Variants in TDRD15 observed in about 807,000 individuals in gnomAD.
TDRD15 encodes tudor domain containing 15.
For missense variants in TDRD15, 1,416 were observed against 904.7 expected (o/e 1.57, Z -7.25); for synonymous variants, 503 against 314.5 (o/e 1.60, Z -6.34).
Position 21,131,718 on chromosome 2 carries a change from A to C in TDRD15, c.-89-3044A>C, listed in dbSNP as rs115429537. On this transcript the variant is annotated intron_variant, in intron 2 of 3. Coordinates refer to ENST00000405799, the MANE Select transcript of TDRD15 (RefSeq NM_001306137.2). ...TTCACTAATTTTTTGGTTTTAAGAAATATAACCATCTCTCATGAAAATATC... is the reference window on the plus strand; with the variant it reads ...TTCACTAATTTTTTGGTTTTAAGAACTATAACCATCTCTCATGAAAATATC... 7.6e-3 allele frequency among the ~76,000 whole-genome samples: 1,152 copies of C among 152,330 alleles called. 14 individuals carry two copies. Among genetic ancestry groups the C allele is most frequent in the African/African-American group, 0.026 (1,097 of 41,576 alleles).
chr2:21,133,560 T>G (rs1665756700), intron 2 of TDRD15, among the ~76,000 whole-genome samples: 1 of 152,150 alleles, frequency 6.6e-6, no homozygotes, highest in Non-Finnish European at 1.5e-5. Context: ...TTGATCAATT[T>G]CGGTTTCAGT....
At chr2:21,130,027 C>T (rs1665687020) in intron 2 of TDRD15, among the ~76,000 whole-genome samples, 1 of 152,094 alleles carries the variant, frequency 6.6e-6, no homozygotes, top group Non-Finnish European at 1.5e-5. Context: ...ATCCTACTCC[C>T]TGATAACCCG....
rs935940132 is a variant in TDRD15, at chr2:21,141,322, C to T, written c.3855C>T (p.Asp1285=). 7.0e-6 allele frequency: 5 copies of T among 715,548 alleles called. No homozygotes were observed. Among genetic ancestry groups the T allele is most frequent in the African/African-American group, 1.8e-5 (1 of 57,118 alleles). The allele number at this position is 715,548 out of a possible 1,614,324, so 44.3% of individuals were successfully genotyped here. The change falls in exon 4 of 4, where the codon GAC becomes GAT. Residue 1285 remains aspartate, a synonymous_variant. Coordinates refer to ENST00000405799, the MANE Select transcript of TDRD15 (RefSeq NM_001306137.2). ...PYDLIRPQIK[D]LPQPQIYLNA... ...ACCTTATTAGGCCACAGATCAAAGA[C>T]CTTCCTCAACCGCAAATTTATTTGA...
intron 2 of TDRD15, among the ~76,000 whole-genome samples, chr2:21,133,805 G>C (rs151295341): frequency 3.8e-4 from 58 of 152,068 alleles, no homozygotes; most frequent in African/African-American, 1.3e-3. Context: ...TATAGCTATT[G>C]AGCATTTGAA....
chr2:21,127,567 GA>G (rs1416891354), intron 1 of TDRD15, 33 bp from the exon 2 acceptor site: 1 of 152,110 alleles, frequency 6.6e-6, no homozygotes, highest in Non-Finnish European at 1.5e-5. Flanking sequence ...CACCTTGGTT[GA>G]AAATCATTTT....
At chr2:21,133,239 T>A (rs1321707079) in intron 2 of TDRD15, among the ~76,000 whole-genome samples, 1 of 152,084 alleles carries the variant, frequency 6.6e-6, no homozygotes, top group Non-Finnish European at 1.5e-5. Flanking sequence ...ATGCTTCAAC[T>A]TGCAGTCTTT....
downstream of TDRD15, among the ~76,000 whole-genome samples, chr2:21,144,996 T>C (rs1666009240): frequency 6.6e-6 from 1 of 151,888 alleles, no homozygotes; most frequent in Non-Finnish European, 1.5e-5. Context: ...AGGAAGAGGC[T>C]AATCTAACAT....
At chr2:21,146,096 G>A (rs1666025596), downstream of TDRD15, among the ~76,000 whole-genome samples, 1 of 151,952 alleles carries the variant, frequency 6.6e-6, no homozygotes, top group South Asian at 2.1e-4. Context: ...ACTCTAGAGA[G>A]GACTGTGGAT....
downstream of TDRD15, among the ~76,000 whole-genome samples, chr2:21,145,650 C>A (rs915323302): frequency 6.6e-6 from 1 of 151,940 alleles, no homozygotes; most frequent in African/African-American, 2.4e-5. Context: ...TATGGTTTCA[C>A]GGATTAGTAA....
downstream of TDRD15, among the ~76,000 whole-genome samples, chr2:21,145,109 C>A (rs1334390224): frequency 6.6e-6 from 1 of 151,850 alleles, no homozygotes; most frequent in Admixed American, 6.6e-5. Flanking sequence ...GGAGAGTGCC[C>A]CACCCATGAA....
chr2:21,126,509 G>A (rs1348593356), intron 1 of TDRD15, among the ~76,000 whole-genome samples: 2 of 152,004 alleles, frequency 1.3e-5, no homozygotes, highest in Admixed American at 1.3e-4. Flanking sequence ...TGGCATTACA[G>A]GCATGCGTCA....
In TDRD15 at chr2:21,143,810, T is replaced by C. The variant is rs72782175; in HGVS notation, c.*538T>C. ...AGGAAAACTTACTAGAAAATCTGGA[T>C]AAACGGATGAACTGGAAGTGGCCAC... On this transcript the variant is annotated 3_prime_UTR_variant, in exon 4 of 4. Transcript: ENST00000405799. 0.012 allele frequency among the ~76,000 whole-genome samples: 1,750 copies of C among 151,882 alleles called. 15 individuals carry two copies. Among genetic ancestry groups the C allele is most frequent in the South Asian group, 0.021 (99 of 4,828 alleles).
intron 2 of TDRD15, among the ~76,000 whole-genome samples, chr2:21,131,641 C>A (rs1358678296): frequency 6.6e-6 from 1 of 152,164 alleles, no homozygotes; most frequent in Non-Finnish European, 1.5e-5. Flanking sequence ...AGCTTAATTT[C>A]TATTAAGCAG....
intron 2 of TDRD15, among the ~76,000 whole-genome samples, chr2:21,134,316 T>C (rs1046769919): frequency 6.6e-6 from 1 of 151,956 alleles, no homozygotes; most frequent in Non-Finnish European, 1.5e-5. Flanking sequence ...ATAATTTTTA[T>C]ATAAAACATT....
At chr2:21,127,031 T>C (rs1403492588) in intron 1 of TDRD15, among the ~76,000 whole-genome samples, 1 of 152,230 alleles carries the variant, frequency 6.6e-6, no homozygotes, top group East Asian at 1.9e-4. Context: ...TGAAGTATTA[T>C]CTTAGTGCGA....
Position 21,139,858 on chromosome 2 carries a change from T to C in TDRD15, c.2391T>C (p.Ser797=). Residue 797 remains serine, a synonymous_variant, in exon 4 of 4, where the codon TCT becomes TCC. Coordinates refer to ENST00000405799, the MANE Select transcript of TDRD15 (RefSeq NM_001306137.2). ...EQIQNYYSIH[S]DPYEIGQTAC... is the part of the protein sequence containing the mutation. ...TTCAGAATTACTATAGTATTCATTC[T>C]GATCCTTATGAGATTGGGCAGACTG... The C allele has an allele frequency of 2.8e-6, 2 of 715,926 alleles. No individual in the cohort carries two copies. The allele number at this position is 715,926 out of a possible 1,614,324, so 44.3% of individuals were successfully genotyped here.
Position 21,142,864 on chromosome 2 carries a change from A to G in TDRD15, c.5397A>G (p.Arg1799=). The change falls in exon 4 of 4, where the codon AGA becomes AGG. Residue 1799 remains arginine (R), a synonymous_variant. Coordinates refer to ENST00000405799, the MANE Select transcript of TDRD15 (RefSeq NM_001306137.2). ...ATAAATCGGAAGATCAGTGGAATAG[A>G]GTAGAAATTTCTGAAGTCTCACCTC... ...FKYKSEDQWN[R]VEISEVSPQS... 1.4e-6 allele frequency: 1 copy of G among 709,736 alleles called. No individual in the cohort carries two copies. Among genetic ancestry groups the G allele is most frequent in the Non-Finnish European group, 2.6e-6 (1 of 382,212 alleles). The allele number at this position is 709,736 out of a possible 1,614,324, so 44.0% of individuals were successfully genotyped here.
Position 21,143,618 on chromosome 2 carries a change from T to C in TDRD15, c.*346T>C, listed in dbSNP as rs1164510442. 1.3e-5 allele frequency among the ~76,000 whole-genome samples: 2 copies of C among 151,394 alleles called. No individual in the cohort carries two copies. Among genetic ancestry groups the C allele is most frequent in the Non-Finnish European group, 3.0e-5 (2 of 67,602 alleles). ...GAAGGAATACAGGAAAATAAGACAA[T>C]GAACTTGAGAACAGCAGTAAAAACA... On this transcript the variant is annotated 3_prime_UTR_variant, in exon 4 of 4. Coordinates refer to ENST00000405799, the MANE Select transcript of TDRD15 (RefSeq NM_001306137.2).
rs762756329 is a variant in TDRD15 at position 21,139,131 on chromosome 2, A to T, written c.1664A>T (p.Glu555Val). 1.4e-6 allele frequency: 1 copy of T among 713,110 alleles called. No individual in the cohort carries two copies. Among genetic ancestry groups the T allele is most frequent in the South Asian group, 1.5e-5 (1 of 66,740 alleles). The allele number at this position is 713,110 out of a possible 1,614,324, so 44.2% of individuals were successfully genotyped here. A position where few individuals can be genotyped will look rare whatever the true frequency, so the allele number is the denominator to read the frequency against. ...CGTTTTTACAGAGCTGTCATCACTGAAATTAATGGTTATAAGATTAATGTT... is the reference window on the plus strand; with the variant it reads ...CGTTTTTACAGAGCTGTCATCACTGTAATTAATGGTTATAAGATTAATGTT... Reference protein sequence around the residue: ...DRRFYRAVITEINGYKINVYF... With the variant: ...DRRFYRAVITVINGYKINVYF... Residue 555 changes from glutamate to valine, a missense_variant, in exon 4 of 4, where the codon GAA (glutamate) becomes GTA (valine). By Grantham distance (121) the Glu-to-Val change is moderately radical. Transcript: ENST00000405799.
Sources: gnomAD v4.1 joint callset for allele counts (sites outside exome capture counted in the v4.1 genomes callset) on GRCh38, gnomAD v4.1.1 for gene constraint, MANE v1.5 for transcripts, NCBI Gene and HGNC (gene_info 2026-07-23, HGNC 2026-07-21) for gene names.